BCAT1: variants seen among roughly 807,000 people sequenced by gnomAD.
BCAT1 encodes the protein branched-chain-amino-acid aminotransferase, cytosolic.
A neutral mutation model predicts 52.4 loss-of-function variants in BCAT1; 48 were observed. That is an observed-to-expected ratio of 0.92 (90% CI 0.73 to 1.16). BCAT1 has a LOEUF of 1.16. BCAT1 is among the 50% of genes most tolerant of loss of function. The pLI is 0.00. For missense variants in BCAT1, 451 were observed against 457.1 expected, an observed-to-expected ratio of 0.99 and a Z score of 0.12; for synonymous variants, 167 against 161.3, an observed-to-expected ratio of 1.04 and a Z score of -0.27.
intron 1 of BCAT1, among the ~76,000 whole-genome samples, chr12:24,938,891 T>C (rs1943808330): frequency 6.6e-6 from 1 of 152,208 alleles, no homozygotes; most frequent in Non-Finnish European, 1.5e-5. Context: ...TATTTATTCA[T>C]TGAGATGGAG....
chr12:24,894,187 T>C (rs1565486832), intron 3 of BCAT1, 88 bp downstream of exon 3: 4 of 1,310,864 alleles, frequency 3.1e-6, no homozygotes, highest in Middle Eastern at 2.0e-4. Flanking sequence ...AAGCCCATAC[T>C]GCCCAAGAGC....
intron 5 of BCAT1, among the ~76,000 whole-genome samples, chr12:24,855,876 C>T (rs1330690797): frequency 6.6e-6 from 1 of 151,972 alleles, no homozygotes; most frequent in Non-Finnish European, 1.5e-5. Flanking sequence ...TACCCTCCTT[C>T]TTCAGCCTTT....
chr12:24,928,632 CA>C (rs34227038), intron 1 of BCAT1, among the ~76,000 whole-genome samples: 1,217 of 85,328 alleles, frequency 0.014, 16 homozygotes, highest in African/African-American at 0.062. Flanking sequence ...GAGACAGTCT[CA>C]AAAAAAAAAA....
chr12:24,834,597 C>A (rs1187257562), intron 8 of BCAT1: 1 of 978,888 alleles, frequency 1.0e-6, no homozygotes, highest in Non-Finnish European at 1.2e-6. Flanking sequence ...GAAATCAAAG[C>A]TCTTGGCAAT....
chr12:24,868,382 G>C (rs368343844), intron 5 of BCAT1, among the ~76,000 whole-genome samples: 30 of 152,204 alleles, frequency 2.0e-4, no homozygotes, highest in African/African-American at 7.0e-4. Flanking sequence ...AGATCTCCAA[G>C]ACAAATTTTA....
chr12:24,880,699 G>T (rs1489947704), intron 4 of BCAT1, among the ~76,000 whole-genome samples: 1 of 152,066 alleles, frequency 6.6e-6, no homozygotes, highest in Non-Finnish European at 1.5e-5. Flanking sequence ...ATTTCATGTG[G>T]TCTTCAAATA....
intron 4 of BCAT1, 55 bp downstream of exon 4, chr12:24,881,246 C>T (rs1270095414): frequency 2.1e-5 from 27 of 1,276,700 alleles, no homozygotes; most frequent in Non-Finnish European, 1.1e-6. Flanking sequence ...TGGTGGTCAA[C>T]ACCGTGACCC....
At chr12:24,894,008 C>A (rs1380826671) in intron 3 of BCAT1, among the ~76,000 whole-genome samples, 6 of 152,146 alleles carry the variant, frequency 3.9e-5, no homozygotes, top group Non-Finnish European at 4.4e-5. Context: ...TTTTTAATTG[C>A]CAATTTTCCC....
At chr12:24,894,085 C>G (rs1239468098) in intron 3 of BCAT1, among the ~76,000 whole-genome samples, 190 bp downstream of exon 3, 1 of 152,116 alleles carries the variant, frequency 6.6e-6, no homozygotes, top group Non-Finnish European at 1.5e-5. Flanking sequence ...GCAAGATTAT[C>G]TGAAAAATTA....
chr12:24,946,863 G>C (rs973744428), intron 1 of BCAT1, among the ~76,000 whole-genome samples: 2 of 152,162 alleles, frequency 1.3e-5, no homozygotes, highest in African/African-American at 4.8e-5. Flanking sequence ...ATTAGATCTG[G>C]TTCTAATGAG....
At chr12:24,862,489 G>T (rs984127202) in intron 5 of BCAT1, among the ~76,000 whole-genome samples, 2 of 152,170 alleles carry the variant, frequency 1.3e-5, no homozygotes, top group African/African-American at 4.8e-5. Context: ...TGAACACAGA[G>T]GGCTTTCGTG....
At chr12:24,849,402 T>A (rs767709048) in intron 6 of BCAT1, among the ~76,000 whole-genome samples, 1 of 152,220 alleles carries the variant, frequency 6.6e-6, no homozygotes, top group Non-Finnish European at 1.5e-5. Context: ...CAGGACCAGA[T>A]GCTTTTTAAT....
intron 5 of BCAT1, among the ~76,000 whole-genome samples, chr12:24,856,986 T>G (rs1404592198): frequency 6.6e-6 from 1 of 152,156 alleles, no homozygotes; most frequent in Non-Finnish European, 1.5e-5. Flanking sequence ...CAATTAGTCC[T>G]AAAAATTATC....
intron 1 of BCAT1, among the ~76,000 whole-genome samples, chr12:24,912,514 C>T (rs1943343980): frequency 1.3e-5 from 2 of 151,970 alleles, no homozygotes; most frequent in Admixed American, 1.3e-4. Context: ...AGTGAGACTC[C>T]ATCTCAGAGA....
At chr12:24,936,997 C>T (rs963664334) in intron 1 of BCAT1, among the ~76,000 whole-genome samples, 1 of 152,088 alleles carries the variant, frequency 6.6e-6, no homozygotes, top group Non-Finnish European at 1.5e-5. Flanking sequence ...CCACATTCAC[C>T]AACCCCCTAT....
At chr12:24,908,997 T>C (rs1943271185) in intron 1 of BCAT1, among the ~76,000 whole-genome samples, 1 of 152,196 alleles carries the variant, frequency 6.6e-6, no homozygotes, top group African/African-American at 2.4e-5. Flanking sequence ...ACTTAGCACT[T>C]AGTAACTGCT....
intron 1 of BCAT1, among the ~76,000 whole-genome samples, chr12:24,934,773 G>C (rs771503516): frequency 6.6e-6 from 1 of 152,072 alleles, no homozygotes; most frequent in Non-Finnish European, 1.5e-5. Context: ...GGCTGGTCTC[G>C]AACTCCTGAC....
At chr12:24,908,358 A>C (rs1252628154) in intron 1 of BCAT1, among the ~76,000 whole-genome samples, 2 of 152,248 alleles carry the variant, frequency 1.3e-5, no homozygotes, top group African/African-American at 2.4e-5. Context: ...ACTAAGCCAC[A>C]TGTAGCTACT....
rs772038139 is a variant in BCAT1, at chr12:24,811,998, ATAT to A, written c.*6007_*6009del. ...AGCTCCATGTATTAGGTAGCTAGGT[ATAT>A]TGTGGGATTATTCCTTGTTAAGTCA... On this transcript the variant is annotated 3_prime_UTR_variant, in exon 11 of 11. Coordinates refer to ENST00000261192, the MANE Select transcript of BCAT1 (RefSeq NM_005504.7). 2.0e-5 allele frequency: 3 copies of A among 152,132 alleles called. No individual in the cohort carries two copies. The highest frequency in any genetic ancestry group is 4.4e-5 in the Non-Finnish European group (3 of 67,954). The allele number at this position is 152,132 out of a possible 1,614,324, so 9.4% of individuals were successfully genotyped here. A position where few individuals can be genotyped will look rare whatever the true frequency, so the allele number is the denominator to read the frequency against.
Sources: gnomAD v4.1 joint callset for allele counts (sites outside exome capture counted in the v4.1 genomes callset) on GRCh38, gnomAD v4.1.1 for gene constraint, MANE v1.5 for transcripts, NCBI Gene and HGNC (gene_info 2026-07-23, HGNC 2026-07-21) for gene names.